The following CTXND2 variants were observed in gnomAD, a reference collection of about 807,000 sequenced individuals.
CTXND2 encodes cortexin domain containing 2.
intron 1 of CTXND2, among the ~76,000 whole-genome samples, chr1:150,903,739 A>T (rs1398353931): frequency 2.0e-5 from 3 of 151,904 alleles, no homozygotes; most frequent in Non-Finnish European, 4.4e-5. Flanking sequence ...CAGAGGTTGC[A>T]GTGAGCAGAG....
At chr1:150,900,903 C>G (rs587752780) in intron 1 of CTXND2, among the ~76,000 whole-genome samples, 2 of 152,162 alleles carry the variant, frequency 1.3e-5, no homozygotes, top group African/African-American at 2.4e-5. Context: ...TCACTTAAGT[C>G]CAGGAGTTCG....
intron 1 of CTXND2, among the ~76,000 whole-genome samples, chr1:150,889,295 G>A (rs955465220): frequency 6.6e-5 from 10 of 151,480 alleles, no homozygotes; most frequent in African/African-American, 2.2e-4. Context: ...AGCTACTCGG[G>A]AGGCTGAGGC....
At chr1:150,891,202 C>A (rs587598482) in intron 1 of CTXND2, among the ~76,000 whole-genome samples, 50 of 140,464 alleles carry the variant, frequency 3.6e-4, no homozygotes, top group Non-Finnish European at 1.6e-5. Context: ...TCTGATATTT[C>A]TTTTCTTTCT....
intron 1 of CTXND2, among the ~76,000 whole-genome samples, chr1:150,891,217 T>A (rs1465467307): frequency 1.3e-5 from 2 of 151,880 alleles, no homozygotes; most frequent in African/African-American, 4.8e-5. Flanking sequence ...CTTTCTTTTT[T>A]TTTTTCTTTT....
At chr1:150,894,588 C>T (rs1011945730) in intron 1 of CTXND2, among the ~76,000 whole-genome samples, 2 of 152,062 alleles carry the variant, frequency 1.3e-5, no homozygotes, top group Non-Finnish European at 2.9e-5. Context: ...TTTTATTTAG[C>T]GGGTACAAGT....
chr1:150,911,795 A>G (rs533928), intron 1 of CTXND2, among the ~76,000 whole-genome samples: 134,215 of 152,204 alleles, frequency 0.88, 59,293 homozygotes, highest in Non-Finnish European at 0.91. Flanking sequence ...ATGAAGATGT[A>G]AGAATGACAG....
At chr1:150,895,575 C>T (rs1031476302) in intron 1 of CTXND2, among the ~76,000 whole-genome samples, 4 of 152,152 alleles carry the variant, frequency 2.6e-5, no homozygotes, top group East Asian at 1.9e-4. Flanking sequence ...AACTCCTGAC[C>T]TCAAGTGATC....
chr1:150,892,528 C>CTTTTTTT (rs5777740), intron 1 of CTXND2, among the ~76,000 whole-genome samples: 22 of 123,350 alleles, frequency 1.8e-4, no homozygotes, highest in East Asian at 4.6e-4. Flanking sequence ...TCTTCTTCTT[C>CTTTTTTT]TTTTTTTTTT....
intron 1 of CTXND2, among the ~76,000 whole-genome samples, chr1:150,903,196 TAAC>T (rs748082173): frequency 1.3e-5 from 2 of 152,138 alleles, no homozygotes; most frequent in Non-Finnish European, 2.9e-5. Context: ...GATCATTCTG[TAAC>T]AACAACATAT....
rs1417519812 is a variant in CTXND2, at chr1:150,904,442, C to G, written c.-73-7800C>G. On this transcript the variant is annotated intron_variant, in intron 1 of 1. Transcript: ENST00000636087. ...TCAGTAAATGCTATCACTGTTTACC[C>G]CTTCTAAAGATATGATTAGACTTTG... is the stretch of plus-strand genomic sequence containing the variant. Among the ~76,000 whole-genome samples the G allele has an allele frequency of 2.6e-5, 4 of 152,270 alleles. No individual in the cohort carries two copies. The East Asian group carries it at 7.7e-4, about 29-fold the overall frequency.
intron 1 of CTXND2, among the ~76,000 whole-genome samples, chr1:150,902,204 A>G (rs1332207459): frequency 6.6e-6 from 1 of 152,060 alleles, no homozygotes; most frequent in Non-Finnish European, 1.5e-5. Flanking sequence ...TATTGAGACC[A>G]TCCTGGATAA....
rs587652668 is a variant in CTXND2, at chr1:150,895,490, C to T, written c.-74+8177C>T. ...TCCCAATTATCTGGAATTATAGGTG[C>T]GCACCACTACGCCCAGCTAATTTTT... On this transcript the variant is annotated intron_variant, in intron 1 of 1. Transcript: ENST00000636087. Among the ~76,000 whole-genome samples, 146 of 152,104 alleles carry T rather than the reference C, an allele frequency of 9.6e-4. 1 individual carries two copies. Among genetic ancestry groups the T allele is most frequent in the African/African-American group, 3.4e-3 (143 of 41,490 alleles).
At chr1:150,912,138 T>G (rs587769990) in intron 1 of CTXND2, 104 bp from the exon 2 acceptor site, 2 of 393,176 alleles carry the variant, frequency 5.1e-6, no homozygotes, top group South Asian at 2.9e-4. Flanking sequence ...TAAATCTTAC[T>G]GATATTTTTT....
chr1:150,912,232 C>G lies in CTXND2; in HGVS notation c.-73-10C>G, dbSNP rs587668994. On this transcript the variant is annotated splice_polypyrimidine_tract_variant and intron_variant, in intron 1 of 1. Transcript: ENST00000636087. ...AAACCGATAAGCCTGTTTTATCCTC[C>G]TTTGTCTAGGAATATGACAAATCTG... 7.5e-6 allele frequency: 3 copies of G among 397,870 alleles called. No individual in the cohort carries two copies. The East Asian group carries it at 1.1e-4, about 14-fold the overall frequency. 24.6% of individuals were successfully genotyped at this position (397,870 alleles called of 1,614,324 possible). A position where few individuals can be genotyped will look rare whatever the true frequency, so the allele number is the denominator to read the frequency against.
intron 1 of CTXND2, among the ~76,000 whole-genome samples, chr1:150,892,561 C>A (rs918525750): frequency 2.1e-5 from 3 of 146,174 alleles, no homozygotes; most frequent in Non-Finnish European, 4.5e-5. Context: ...TGAGACAGGG[C>A]CTCGCTTTAT....
intron 1 of CTXND2, among the ~76,000 whole-genome samples, chr1:150,897,078 CAG>C (rs1447851179): frequency 6.6e-6 from 1 of 152,072 alleles, no homozygotes; most frequent in Non-Finnish European, 1.5e-5. Flanking sequence ...GTACAAGGGA[CAG>C]AGAGGTAAGA....
chr1:150,891,000 G>A (rs1557998079), intron 1 of CTXND2, among the ~76,000 whole-genome samples: 1 of 152,086 alleles, frequency 6.6e-6, no homozygotes, highest in Non-Finnish European at 1.5e-5. Context: ...TCCCAGCTGA[G>A]TTTATTAATC....
At chr1:150,908,896 A>G (rs911631414) in intron 1 of CTXND2, among the ~76,000 whole-genome samples, 1 of 151,704 alleles carries the variant, frequency 6.6e-6, no homozygotes, top group African/African-American at 2.4e-5. Flanking sequence ...AGTGCTGGTC[A>G]GGCATAAGCC....
At chr1:150,900,663 AAAAC>A (rs1669001381) in intron 1 of CTXND2, among the ~76,000 whole-genome samples, 1 of 152,000 alleles carries the variant, frequency 6.6e-6, no homozygotes, top group South Asian at 2.1e-4. Context: ...AAACCAAAAA[AAAAC>A]CCTGACGAAT....
Sources: gnomAD v4.1 joint callset for allele counts (sites outside exome capture counted in the v4.1 genomes callset) on GRCh38, gnomAD v4.1.1 for gene constraint, MANE v1.5 for transcripts, NCBI Gene and HGNC (gene_info 2026-07-23, HGNC 2026-07-21) for gene names.